Variants in DNAJC5 observed in about 807,000 individuals in gnomAD.
The protein encoded by DNAJC5 is dnaJ homolog subfamily C member 5.
A neutral mutation model predicts 23.2 loss-of-function variants in DNAJC5; 1 was observed. The observed-to-expected ratio is 0.04, with a 90% CI of 0.02 to 0.20. The LOEUF is 0.20. DNAJC5 is among the 10% of genes least tolerant of loss of function. The pLI, the probability that DNAJC5 is intolerant of heterozygous loss-of-function variation, is 1.00. For missense variants in DNAJC5, 180 were observed against 267.0 expected, an observed-to-expected ratio of 0.67 and a Z score of 2.27; for synonymous variants, 136 against 120.0, an observed-to-expected ratio of 1.13 and a Z score of -0.87.
chr20:63,913,984 C>T (rs1485136207), intron 1 of DNAJC5, among the ~76,000 whole-genome samples: 1 of 152,216 alleles, frequency 6.6e-6, no homozygotes, highest in African/African-American at 2.4e-5. Context: ...CCTCCCACCC[C>T]TCAGGCAGTG....
chr20:63,901,512 C>G (rs950481072), intron 1 of DNAJC5, among the ~76,000 whole-genome samples: 1 of 152,222 alleles, frequency 6.6e-6, no homozygotes, highest in Non-Finnish European at 1.5e-5. Flanking sequence ...GAAGCAGGAG[C>G]TGAATTCAGG....
intron 1 of DNAJC5, among the ~76,000 whole-genome samples, chr20:63,923,965 G>A (rs567418517): frequency 6.6e-6 from 1 of 152,124 alleles, no homozygotes; most frequent in African/African-American, 2.4e-5. Flanking sequence ...TTTTTTATAC[G>A]TACATAATGT....
chr20:63,913,062 A>G (rs78566520), intron 1 of DNAJC5, among the ~76,000 whole-genome samples: 30 of 79,378 alleles, frequency 3.8e-4, no homozygotes, highest in Non-Finnish European at 4.3e-4. Flanking sequence ...GCAAAGAGGT[A>G]GTTCCCTGCC....
At chr20:63,904,553 C>T (rs992675051) in intron 1 of DNAJC5, among the ~76,000 whole-genome samples, 1 of 152,170 alleles carries the variant, frequency 6.6e-6, no homozygotes, top group African/African-American at 2.4e-5. Flanking sequence ...TGTGTCTGAC[C>T]TCCAGGTGGG....
At chr20:63,922,937 TC>T (rs2053584043) in intron 1 of DNAJC5, among the ~76,000 whole-genome samples, 2 of 151,156 alleles carry the variant, frequency 1.3e-5, no homozygotes, top group East Asian at 4.0e-4. Context: ...GGTCAGGAGT[TC>T]CAGACCAGCC....
intron 1 of DNAJC5, among the ~76,000 whole-genome samples, chr20:63,913,564 T>A (rs1186127705): frequency 1.3e-5 from 2 of 151,352 alleles, no homozygotes; most frequent in Non-Finnish European, 2.9e-5. Flanking sequence ...ACCTGGCTGA[T>A]TTTTGTATTT....
At chr20:63,902,211 C>T (rs1424000412) in intron 1 of DNAJC5, among the ~76,000 whole-genome samples, 3 of 151,840 alleles carry the variant, frequency 2.0e-5, no homozygotes, top group African/African-American at 4.8e-5. Context: ...CCCGCCACCA[C>T]GCCCGGCTAA....
Position 63,920,181 on chromosome 20 carries a change from A to G in DNAJC5, c.-11-8154A>G, listed in dbSNP as rs539521695. Among the ~76,000 whole-genome samples, 2 of 152,206 alleles carry G rather than the reference A, an allele frequency of 1.3e-5. No individual in the cohort carries two copies. The highest frequency in any genetic ancestry group is 4.8e-5 in the African/African-American group (2 of 41,456). On this transcript the variant is annotated intron_variant, in intron 1 of 4. Transcript: ENST00000360864. This position sits in a 1 kb window ranked among gnomAD's most constrained non-coding sequence, Gnocchi z 4.6. The stretch of plus-strand genomic sequence containing the variant: ...AAGAGGACGCACCCGGCTGTGTGGC[A>G]GGGGAGGTTCCCAAGAGCAGGCTCA...
intron 1 of DNAJC5, among the ~76,000 whole-genome samples, chr20:63,910,923 C>G (rs2053479229): frequency 6.6e-6 from 1 of 152,138 alleles, no homozygotes; most frequent in African/African-American, 2.4e-5. Context: ...CCTGCCTTGG[C>G]CTCCCAAAGT....
Position 63,928,282 on chromosome 20 carries a change from C to T in DNAJC5, c.-11-53C>T. Reference sequence around the variant, plus strand: ...TGGAATAAAGTCCATCAGCTCTGCCCTTGGTACTTTCATCTATACTTTGTG... The same window carrying T: ...TGGAATAAAGTCCATCAGCTCTGCCTTTGGTACTTTCATCTATACTTTGTG... On this transcript the variant is annotated intron_variant, in intron 1 of 4. Coordinates refer to ENST00000360864, the MANE Select transcript of DNAJC5 (RefSeq NM_025219.3). This position sits in a 1 kb window ranked among gnomAD's most constrained non-coding sequence, Gnocchi z 4.6. 7.0e-7 allele frequency: 1 copy of T among 1,436,434 alleles called. No homozygotes were observed. The highest frequency in any genetic ancestry group is 9.7e-7 in the Non-Finnish European group (1 of 1,025,664). The allele number at this position is 1,436,434 out of a possible 1,614,324, so 89.0% of individuals were successfully genotyped here.
At chr20:63,905,957 A>G (rs1419222610) in intron 1 of DNAJC5, among the ~76,000 whole-genome samples, 2 of 147,260 alleles carry the variant, frequency 1.4e-5, no homozygotes, top group African/African-American at 2.5e-5. Flanking sequence ...CTGGTCTTGA[A>G]CTCACTGACC....
intron 1 of DNAJC5, among the ~76,000 whole-genome samples, chr20:63,905,966 C>T (rs2053446125): frequency 6.6e-6 from 1 of 151,172 alleles, no homozygotes; most frequent in African/African-American, 2.4e-5. Flanking sequence ...AACTCACTGA[C>T]CTCAGGTGAT....
chr20:63,917,995 C>T (rs2053527549), intron 1 of DNAJC5, among the ~76,000 whole-genome samples: 1 of 152,336 alleles, frequency 6.6e-6, no homozygotes, highest in East Asian at 1.9e-4. Context: ...ACGGTAGCTG[C>T]ATCAGCTTCA....
intron 1 of DNAJC5, among the ~76,000 whole-genome samples, chr20:63,921,015 A>G (rs985130050): frequency 6.6e-6 from 1 of 152,022 alleles, no homozygotes; most frequent in South Asian, 2.1e-4. Flanking sequence ...ACTGGAGTGC[A>G]ACGGCACGGT....
intron 1 of DNAJC5, among the ~76,000 whole-genome samples, chr20:63,914,762 C>G (rs2053505441): frequency 6.6e-6 from 1 of 152,050 alleles, no homozygotes; most frequent in African/African-American, 2.4e-5. Context: ...ATTACAGGCA[C>G]CTGCCACCAC....
chr20:63,905,644 A>G (rs1314547416), intron 1 of DNAJC5, among the ~76,000 whole-genome samples: 1 of 146,088 alleles, frequency 6.8e-6, no homozygotes, highest in Non-Finnish European at 1.5e-5. Flanking sequence ...CTCAGCTCTC[A>G]CTGCAACCTC....
At position 63,935,603 on chromosome 20, in the gene DNAJC5, C is replaced by CGG. The variant is rs2053711377; in HGVS notation, c.*4036_*4037dup. 6.6e-6 allele frequency: 1 copy of CGG among 152,222 alleles called. No homozygotes were observed. Among genetic ancestry groups the CGG allele is most frequent in the African/African-American group, 2.4e-5 (1 of 41,446 alleles). 9.4% of individuals were successfully genotyped at this position (152,222 alleles called of 1,614,324 possible). On this transcript the variant is annotated 3_prime_UTR_variant, in exon 5 of 5. Coordinates refer to ENST00000360864, the MANE Select transcript of DNAJC5 (RefSeq NM_025219.3). ...CAGTGGCAAAGCTGCATCTGAAGGGCGGCCTGGGAAGGGGCCCTGTGCTGG... is the reference window on the plus strand; with the variant it reads ...CAGTGGCAAAGCTGCATCTGAAGGGCGGGGCCTGGGAAGGGGCCCTGTGCTGG...
intron 1 of DNAJC5, among the ~76,000 whole-genome samples, chr20:63,915,079 G>A (rs2053507397): frequency 6.7e-6 from 1 of 149,396 alleles, no homozygotes; most frequent in Non-Finnish European, 1.5e-5. Flanking sequence ...AGGGAGAGAC[G>A]GGCTGCTCCA....
chr20:63,927,699 G>C (rs1301263710), intron 1 of DNAJC5, among the ~76,000 whole-genome samples: 1 of 152,134 alleles, frequency 6.6e-6, no homozygotes, highest in Non-Finnish European at 1.5e-5. Context: ...AATTAAAGTT[G>C]GGTCTTGCAT....
Sources: allele counts gnomAD v4.1 joint callset (sites outside exome capture counted in the v4.1 genomes callset), GRCh38; gene constraint gnomAD v4.1.1; non-coding constraint Gnocchi (gnomAD v3.1); transcripts MANE v1.5; gene names NCBI Gene and HGNC (gene_info 2026-07-23, HGNC 2026-07-21).